The following SETBP1 variants were observed in gnomAD, a reference collection of about 807,000 sequenced individuals.
SETBP1 encodes the protein SET-binding protein.
SETBP1 carries 9 observed loss-of-function variants against 101.0 expected under a neutral mutation model. The ratio of observed to expected loss-of-function variants is 0.09; its 90% confidence interval spans 0.05 to 0.16. The LOEUF (loss-of-function observed/expected upper bound fraction) is 0.16. SETBP1 is among the 10% of genes least tolerant of loss of function. The probability of loss-of-function intolerance (pLI) is 1.00; values close to 1 mark genes in which losing one functional copy is unlikely to be tolerated. For missense variants in SETBP1, 1,858 were observed against 2,033.8 expected (o/e 0.91, Z 1.66); for synonymous variants, 818 against 788.5 (o/e 1.04, Z -0.63).
chr18:45,066,261 T>G lies in SETBP1; in HGVS notation c.*2563T>G, dbSNP rs568802245. On this transcript the variant is annotated 3_prime_UTR_variant, in exon 6 of 6. Coordinates refer to ENST00000649279, the MANE Select transcript of SETBP1 (RefSeq NM_015559.3). ...GTTGCAACTTACACGTGAATTCTGG[T>G]CTATAGTGGTCATGTGAGTTAAATT... 1 of 152,298 alleles carries G rather than the reference T, an allele frequency of 6.6e-6. No individual in the cohort carries two copies. Among genetic ancestry groups the G allele is most frequent in the Non-Finnish European group, 1.5e-5 (1 of 68,042 alleles). The allele number at this position is 152,298 out of a possible 1,614,324, so 9.4% of individuals were successfully genotyped here. A position where few individuals can be genotyped will look rare whatever the true frequency, so the allele number is the denominator to read the frequency against.
chr18:44,847,093 A>G (rs1599215610), intron 2 of SETBP1, among the ~76,000 whole-genome samples: 1 of 152,352 alleles, frequency 6.6e-6, no homozygotes, highest in Non-Finnish European at 1.5e-5. Context: ...GAGAAGAAAC[A>G]CAGCCTATAA....
chr18:44,874,737 C>G (rs1327355855), intron 3 of SETBP1, among the ~76,000 whole-genome samples: 2 of 152,182 alleles, frequency 1.3e-5, no homozygotes, highest in Non-Finnish European at 1.5e-5. Context: ...ACTCCACTTT[C>G]CTTAGTCCCC....
chr18:44,697,403 G>A (rs994638661), intron 1 of SETBP1: 1 of 152,222 alleles, frequency 6.6e-6, no homozygotes, highest in Non-Finnish European at 1.5e-5. Flanking sequence ...TAAGATGAGG[G>A]TCACATATGG....
At position 44,829,387 on chromosome 18, in the gene SETBP1, A is replaced by C. The variant is rs139912030; in HGVS notation, c.487-39843A>C. ...AGACGAAATTTTGCTGATAAAGTGT[A>C]TCTAAACTGAGTTTATTTAGACTTG... On this transcript the variant is annotated intron_variant, in intron 2 of 5. Transcript: ENST00000649279. Among the ~76,000 whole-genome samples the C allele has an allele frequency of 2.0e-3, 298 of 152,334 alleles. 1 individual carries two copies. The highest frequency in any genetic ancestry group is 6.8e-3 in the African/African-American group (283 of 41,572).
At chr18:45,016,739 A>AGGG (rs2072951380) in intron 4 of SETBP1, among the ~76,000 whole-genome samples, 1 of 135,828 alleles carries the variant, frequency 7.4e-6, no homozygotes, top group African/African-American at 2.7e-5. Context: ...GCGCACACAC[A>AGGG]CACACACACA....
chr18:45,049,869 A>G (rs1030960351), intron 5 of SETBP1, among the ~76,000 whole-genome samples: 3 of 152,332 alleles, frequency 2.0e-5, no homozygotes, highest in African/African-American at 7.2e-5. Context: ...TGGCACTCCA[A>G]TACAGACAAG....
chr18:44,965,525 C>T (rs1460237714), intron 4 of SETBP1, among the ~76,000 whole-genome samples: 2 of 152,156 alleles, frequency 1.3e-5, no homozygotes, highest in African/African-American at 2.4e-5. Context: ...TTTCAAAAAG[C>T]ATCTCCCCTG....
Position 44,860,253 on chromosome 18 carries a change from T to C in SETBP1, c.487-8977T>C, listed in dbSNP as rs991553843. Among the ~76,000 whole-genome samples, 13 of 152,242 alleles carry C rather than the reference T, an allele frequency of 8.5e-5. No homozygotes were observed. The East Asian group carries it at 1.9e-3, about 23-fold the overall frequency. On this transcript the variant is annotated intron_variant, in intron 2 of 5. Transcript: ENST00000649279. ...TGTTCAAGGAGGGAATCCTCCTTTA[T>C]TGGCTTTTTACGGACTTTGGAAACA...
chr18:44,710,124 T>C (rs1453281979), intron 2 of SETBP1, among the ~76,000 whole-genome samples: 4 of 152,322 alleles, frequency 2.6e-5, no homozygotes, highest in East Asian at 1.9e-4. Context: ...ATTTCCTTTT[T>C]TTCTTTTTAA....
chr18:45,031,600 G>T (rs555021527), intron 4 of SETBP1, among the ~76,000 whole-genome samples: 1 of 152,288 alleles, frequency 6.6e-6, no homozygotes, highest in African/African-American at 2.4e-5. Context: ...AGAGGAATAT[G>T]TAGGCTAAAG....
chr18:44,990,927 G>GAAAAAAAAAAAAAAAAAAAAA, intron 4 of SETBP1, among the ~76,000 whole-genome samples: 1 of 63,208 alleles, frequency 1.6e-5, no homozygotes. Context: ...CAGAGAGAGA[G>GAAAAAAAAAAAAAAAAAAAAA]AAAAAAAAAA....
chr18:45,060,719 A>G (rs72898808), intron 5 of SETBP1, among the ~76,000 whole-genome samples: 1 of 152,032 alleles, frequency 6.6e-6, no homozygotes. Flanking sequence ...TGAATATGGA[A>G]TTATCTGCTA....
At chr18:44,883,907 C>G (rs745434801) in intron 3 of SETBP1, among the ~76,000 whole-genome samples, 14 of 152,164 alleles carry the variant, frequency 9.2e-5, no homozygotes, top group Non-Finnish European at 1.9e-4. Context: ...GTATTATGTA[C>G]CGATGGCATC....
At chr18:44,903,389 G>A (rs927908951) in intron 3 of SETBP1, among the ~76,000 whole-genome samples, 5 of 152,158 alleles carry the variant, frequency 3.3e-5, no homozygotes, top group African/African-American at 1.2e-4. Flanking sequence ...ATCATTATCT[G>A]ATGTTATTGA....
intron 3 of SETBP1, among the ~76,000 whole-genome samples, chr18:44,882,028 C>A (rs528367093): frequency 5.3e-5 from 8 of 152,098 alleles, no homozygotes; most frequent in Non-Finnish European, 1.0e-4. Context: ...GCATTAAATA[C>A]TGACAAATGG....
chr18:44,789,917 C>T (rs2071335671), intron 2 of SETBP1, among the ~76,000 whole-genome samples: 1 of 152,132 alleles, frequency 6.6e-6, no homozygotes. Context: ...CTTTGCTGGC[C>T]CCGGGAGAGT....
chr18:44,806,032 T>C (rs1460825335), intron 2 of SETBP1, among the ~76,000 whole-genome samples: 1 of 152,180 alleles, frequency 6.6e-6, no homozygotes, highest in Non-Finnish European at 1.5e-5. Context: ...GCCCCAGACC[T>C]TCTTTTCCTC....
At chr18:44,903,589 T>C (rs2070103561) in intron 3 of SETBP1, among the ~76,000 whole-genome samples, 1 of 152,172 alleles carries the variant, frequency 6.6e-6, no homozygotes, top group Admixed American at 6.5e-5. Flanking sequence ...CCTCAAAAAC[T>C]TGATAAAGCA....
At chr18:44,947,740 A>G (rs915589603) in intron 3 of SETBP1, among the ~76,000 whole-genome samples, 20 of 152,160 alleles carry the variant, frequency 1.3e-4, no homozygotes, top group Admixed American at 1.2e-3. Context: ...GCCCGACCTC[A>G]GGTGATCTGC....
Sources: allele counts gnomAD v4.1 joint callset (sites outside exome capture counted in the v4.1 genomes callset), GRCh38; gene constraint gnomAD v4.1.1; transcripts MANE v1.5; gene names NCBI Gene and HGNC (gene_info 2026-07-23, HGNC 2026-07-21).